ZEB1: variants seen among roughly 807,000 people sequenced by gnomAD.
ZEB1 encodes zinc finger E-box binding homeobox 1, also known as zinc finger E-box-binding homeobox 1.
A neutral mutation model predicts 84.9 loss-of-function variants in ZEB1; 21 were observed. That is an observed-to-expected ratio of 0.25 (90% CI 0.18 to 0.36). The LOEUF is 0.36. Among genes scored for constraint, ZEB1 ranks in the 10% least tolerant of loss-of-function variants. The probability of loss-of-function intolerance (pLI) is 1.00; values close to 1 mark genes in which losing one functional copy is unlikely to be tolerated. For synonymous variants in ZEB1, 420 were observed against 471.1 expected (o/e 0.89, Z 1.41); for missense variants, 1,104 against 1,330.2 (o/e 0.83, Z 2.65).
intron 1 of ZEB1, among the ~76,000 whole-genome samples, chr10:31,361,683 C>T (rs1167838995): frequency 2.7e-5 from 4 of 150,518 alleles, no homozygotes; most frequent in South Asian, 2.1e-4. Flanking sequence ...GACAGGGCGG[C>T]GGCTGGGCAG....
intron 1 of ZEB1, among the ~76,000 whole-genome samples, chr10:31,322,385 C>T (rs1323002451): frequency 6.6e-6 from 1 of 152,034 alleles, no homozygotes; most frequent in African/African-American, 2.4e-5. Context: ...GGAAGATTGT[C>T]GTAGAGATAG....
chr10:31,441,843 C>T (rs2059032916), intron 1 of ZEB1, among the ~76,000 whole-genome samples: 1 of 152,184 alleles, frequency 6.6e-6, no homozygotes, highest in African/African-American at 2.4e-5. Context: ...AAATGCAAAT[C>T]AAAACCACAA....
intron 1 of ZEB1, among the ~76,000 whole-genome samples, chr10:31,406,667 C>A (rs895922411): frequency 6.6e-6 from 1 of 152,084 alleles, no homozygotes; most frequent in Non-Finnish European, 1.5e-5. Flanking sequence ...ATGATAGTTT[C>A]TTTTGCTGTG....
chr10:31,402,787 C>T (rs1398779455), intron 1 of ZEB1, among the ~76,000 whole-genome samples: 5 of 152,040 alleles, frequency 3.3e-5, no homozygotes, highest in Non-Finnish European at 7.4e-5. Flanking sequence ...TCCTGAAATG[C>T]TTGACTTGAC....
At position 31,521,949 on chromosome 10, in the gene ZEB1, C is replaced by A. The variant is rs758354760; in HGVS notation, c.2604+13C>A. 16 of 1,613,806 alleles carry A rather than the reference C, an allele frequency of 9.9e-6. No homozygotes were observed. Among genetic ancestry groups the A allele is most frequent in the African/African-American group, 2.7e-5 (2 of 74,888 alleles). On this transcript the variant is annotated intron_variant, in intron 7 of 8. Coordinates refer to ENST00000424869, the MANE Select transcript of ZEB1 (RefSeq NM_001174096.2). ...AAATGGAAATCAGGTAAAAAATAAC[C>A]TCCATCCTGAACCTGGCTAGTAATA... is the stretch of plus-strand genomic sequence containing the variant.
At chr10:31,331,585 G>C (rs1446978780) in intron 1 of ZEB1, among the ~76,000 whole-genome samples, 1 of 152,174 alleles carries the variant, frequency 6.6e-6, no homozygotes, top group Non-Finnish European at 1.5e-5. Context: ...GAAGAAAAAT[G>C]AGGAAAGAAA....
intron 1 of ZEB1, among the ~76,000 whole-genome samples, chr10:31,350,747 T>C (rs1296444407): frequency 1.3e-5 from 2 of 152,202 alleles, no homozygotes; most frequent in Non-Finnish European, 2.9e-5. Flanking sequence ...GGGTCTGTTT[T>C]AAAAATTAAC....
At chr10:31,338,940 T>A (rs2038805692) in intron 1 of ZEB1, among the ~76,000 whole-genome samples, 1 of 152,156 alleles carries the variant, frequency 6.6e-6, no homozygotes, top group Non-Finnish European at 1.5e-5. Context: ...GATGTTGACA[T>A]GATACCTTTG....
At chr10:31,471,496 A>C (rs558081397) in intron 2 of ZEB1, among the ~76,000 whole-genome samples, 4 of 151,112 alleles carry the variant, frequency 2.6e-5, no homozygotes, top group Admixed American at 2.6e-4. Context: ...GGATCAATTC[A>C]ACAAGAAGAG....
At chr10:31,367,900 A>C (rs2044844821) in intron 1 of ZEB1, among the ~76,000 whole-genome samples, 1 of 152,046 alleles carries the variant, frequency 6.6e-6, no homozygotes, top group Non-Finnish European at 1.5e-5. Context: ...AAAATTTTTA[A>C]ATAATTACAC....
chr10:31,501,002 A>G (rs1303097298), intron 3 of ZEB1, among the ~76,000 whole-genome samples: 1 of 152,240 alleles, frequency 6.6e-6, no homozygotes, highest in African/African-American at 2.4e-5. Context: ...ATTGGTTCTC[A>G]GGTTTTAAAC....
chr10:31,373,935 A>G (rs1013784710), intron 1 of ZEB1, among the ~76,000 whole-genome samples: 1 of 151,634 alleles, frequency 6.6e-6, no homozygotes, highest in African/African-American at 2.4e-5. Context: ...TCCTGAATAT[A>G]TTTGATTCCT....
intron 1 of ZEB1, among the ~76,000 whole-genome samples, chr10:31,340,301 T>C (rs2039101998): frequency 6.6e-6 from 1 of 152,174 alleles, no homozygotes. Context: ...TCAAAACACC[T>C]AGGGATACAT....
At chr10:31,345,914 C>T (rs1316936752) in intron 1 of ZEB1, among the ~76,000 whole-genome samples, 1 of 152,078 alleles carries the variant, frequency 6.6e-6, no homozygotes, top group African/African-American at 2.4e-5. Context: ...TTTTAAAAGT[C>T]TCAGAGAAAA....
intron 1 of ZEB1, among the ~76,000 whole-genome samples, chr10:31,372,503 A>G (rs1266037496): frequency 2.0e-5 from 3 of 152,078 alleles, no homozygotes; most frequent in African/African-American, 7.2e-5. Context: ...AGTCATTTTT[A>G]TATTATAATT....
intron 4 of ZEB1, among the ~76,000 whole-genome samples, chr10:31,506,826 TC>T (rs2139386137): frequency 6.6e-6 from 1 of 152,284 alleles, no homozygotes; most frequent in South Asian, 2.1e-4. Context: ...TATCATTTGT[TC>T]CTTTCTTTCT....
chr10:31,429,741 T>TA (rs1205856863), intron 1 of ZEB1, among the ~76,000 whole-genome samples: 1 of 138,276 alleles, frequency 7.2e-6, no homozygotes, highest in African/African-American at 2.8e-5. Flanking sequence ...AACTTTTTTT[T>TA]TTTTTTTTTT....
At chr10:31,388,819 T>G (rs183663124) in intron 1 of ZEB1, among the ~76,000 whole-genome samples, 92 of 152,162 alleles carry the variant, frequency 6.0e-4, no homozygotes, top group African/African-American at 2.0e-3. Flanking sequence ...TATCCCTTTT[T>G]GCCAGTTGAG....
rs556604835 is a variant in ZEB1 at position 31,369,965 on chromosome 10, G to C, written c.58+50673G>C. On this transcript the variant is annotated intron_variant, in intron 1 of 8. Transcript: ENST00000424869. ...TAATTCTCTAGTAATTAGTGATGCC[G>C]AGCATTTTTTCTTGTACTAGTTGGC... Among the ~76,000 whole-genome samples the C allele has an allele frequency of 2.6e-5, 4 of 152,224 alleles. No homozygotes were observed. The South Asian group carries it at 8.3e-4, about 32-fold the overall frequency.
Sources: gnomAD v4.1 joint callset for allele counts (sites outside exome capture counted in the v4.1 genomes callset) on GRCh38, gnomAD v4.1.1 for gene constraint, MANE v1.5 for transcripts, NCBI Gene and HGNC (gene_info 2026-07-23, HGNC 2026-07-21) for gene names.